Variants in CTDSPL2 observed in about 807,000 individuals in gnomAD.
CTDSPL2 encodes CTD small phosphatase-like protein 2.
CTDSPL2 carries 5 observed loss-of-function variants against 60.0 expected under a neutral mutation model. The ratio of observed to expected loss-of-function variants is 0.08; its 90% confidence interval spans 0.04 to 0.18. The LOEUF is 0.18. Among genes scored for constraint, CTDSPL2 ranks in the 10% least tolerant of loss-of-function variants. The probability of loss-of-function intolerance (pLI) is 1.00; values close to 1 mark genes in which losing one functional copy is unlikely to be tolerated. For synonymous variants in CTDSPL2, 186 were observed against 189.3 expected, an observed-to-expected ratio of 0.98 and a Z score of 0.14; for missense variants, 370 against 548.8, an observed-to-expected ratio of 0.67 and a Z score of 3.26.
intron 1 of CTDSPL2, among the ~76,000 whole-genome samples, chr15:44,436,425 C>G (rs1422558008): frequency 6.6e-6 from 1 of 152,126 alleles, no homozygotes; most frequent in Non-Finnish European, 1.5e-5. Context: ...GAAGACAGCT[C>G]TGATTAATTA....
intron 8 of CTDSPL2, among the ~76,000 whole-genome samples, chr15:44,511,445 A>G (rs2081563377): frequency 6.6e-6 from 1 of 152,228 alleles, no homozygotes; most frequent in Admixed American, 6.5e-5. Flanking sequence ...ATTGTTAACT[A>G]GACATATTCT....
At chr15:44,439,806 G>A (rs906293075) in intron 1 of CTDSPL2, among the ~76,000 whole-genome samples, 5 of 152,098 alleles carry the variant, frequency 3.3e-5, no homozygotes, top group African/African-American at 1.2e-4. Context: ...ATAAAATCAG[G>A]TTGTTGCTGA....
chr15:44,527,120 G>T lies in CTDSPL2; in HGVS notation c.*2946G>T, dbSNP rs2081887889. On this transcript the variant is annotated 3_prime_UTR_variant, in exon 13 of 13. Transcript: ENST00000260327. ...TAAATTGTTTTATATTAGCTAGTAT[G>T]TATATTTATTTTTACCCAATGGCTT... 6.6e-6 allele frequency: 1 copy of T among 152,466 alleles called. No homozygotes were observed. The highest frequency in any genetic ancestry group is 6.5e-5 in the Admixed American group (1 of 15,268). The allele number at this position is 152,466 out of a possible 1,614,324, so 9.4% of individuals were successfully genotyped here. A position where few individuals can be genotyped will look rare whatever the true frequency, so the allele number is the denominator to read the frequency against.
chr15:44,486,758 G>GTTTTTT (rs368571218), intron 4 of CTDSPL2, 58 bp downstream of exon 4: 24 of 800,318 alleles, frequency 3.0e-5, no homozygotes, highest in Middle Eastern at 3.5e-4. Context: ...CATAGTTTGG[G>GTTTTTT]TTTTTTTTTT....
chr15:44,489,148 C>T (rs2081174766), intron 4 of CTDSPL2, among the ~76,000 whole-genome samples: 2 of 135,298 alleles, frequency 1.5e-5, no homozygotes, highest in South Asian at 4.8e-4. Context: ...TCCCCCCCAC[C>T]TACCTCCTCC....
intron 1 of CTDSPL2, among the ~76,000 whole-genome samples, chr15:44,429,861 G>A (rs911485817): frequency 3.9e-5 from 6 of 151,992 alleles, no homozygotes; most frequent in African/African-American, 1.2e-4. Flanking sequence ...GCGAGACTCC[G>A]TCTCAAAAAA....
At chr15:44,496,540 AG>A in intron 6 of CTDSPL2, 82 bp downstream of exon 6, 1 of 1,050,882 alleles carries the variant, frequency 9.5e-7, no homozygotes, top group Non-Finnish European at 1.5e-6. Flanking sequence ...GTGGCTAAAT[AG>A]TATATTGCCA....
intron 12 of CTDSPL2, among the ~76,000 whole-genome samples, chr15:44,523,206 A>G (rs779047681): frequency 6.6e-5 from 10 of 152,090 alleles, no homozygotes; most frequent in African/African-American, 9.7e-5. Flanking sequence ...CACATTGGCC[A>G]GGCTGATCTC....
intron 1 of CTDSPL2, chr15:44,448,711 C>A: frequency 3.0e-6 from 1 of 337,968 alleles, no homozygotes; most frequent in Non-Finnish European, 5.8e-6. Context: ...CATTCCAGTG[C>A]CTTTATTCAG....
chr15:44,427,852 C>T, intron 1 of CTDSPL2, 80 bp downstream of exon 1: 1 of 396,004 alleles, frequency 2.5e-6, no homozygotes, highest in South Asian at 1.4e-4. Context: ...CCGGGATCTC[C>T]TCCCCTTCTA....
At chr15:44,509,415 C>T (rs141892603) in intron 8 of CTDSPL2, among the ~76,000 whole-genome samples, 197 of 152,086 alleles carry the variant, frequency 1.3e-3, no homozygotes, top group African/African-American at 4.5e-3. Context: ...CCATGTTGGC[C>T]AGGCTGGTCT....
At position 44,528,572 on chromosome 15, in the gene CTDSPL2, TAAA is replaced by T. The variant is rs1354655268; in HGVS notation, c.*4399_*4401del. On this transcript the variant is annotated 3_prime_UTR_variant, in exon 13 of 13. Transcript: ENST00000260327. Reference sequence around the variant, plus strand: ...TTATTCAAGATACATGGAGGAATAATAAAGAAGATTAAGGCTACTGCTCATTAT... The same window carrying T: ...TTATTCAAGATACATGGAGGAATAATGAAGATTAAGGCTACTGCTCATTAT... 1.3e-5 allele frequency: 2 copies of T among 151,914 alleles called. No individual in the cohort carries two copies. The highest frequency in any genetic ancestry group is 4.8e-5 in the African/African-American group (2 of 41,398). 9.4% of individuals were successfully genotyped at this position (151,914 alleles called of 1,614,324 possible). A position where few individuals can be genotyped will look rare whatever the true frequency, so the allele number is the denominator to read the frequency against.
chr15:44,486,776 T>TC, intron 4 of CTDSPL2, 76 bp downstream of exon 4: 1 of 1,105,944 alleles, frequency 9.0e-7, no homozygotes, highest in Non-Finnish European at 1.3e-6. Context: ...TTTTTTTTTT[T>TC]CTTGAGACGA....
chr15:44,449,697 G>C (rs1470433397), intron 1 of CTDSPL2, among the ~76,000 whole-genome samples: 1 of 151,444 alleles, frequency 6.6e-6, no homozygotes, highest in Non-Finnish European at 1.5e-5. Flanking sequence ...TCTACTAAAA[G>C]TACAAAAAGT....
chr15:44,524,053 A>G, intron 12 of CTDSPL2, 56 bp from the exon 13 acceptor site: 1 of 1,315,058 alleles, frequency 7.6e-7, no homozygotes. Flanking sequence ...GTATGTTATG[A>G]GGATCATATC....
chr15:44,525,046 A>C lies in CTDSPL2; in HGVS notation c.*872A>C. 5.0e-6 allele frequency: 1 copy of C among 200,984 alleles called. No individual in the cohort carries two copies. Among genetic ancestry groups the C allele is most frequent in the Non-Finnish European group, 1.0e-5 (1 of 100,100 alleles). The allele number at this position is 200,984 out of a possible 1,614,324, so 12.5% of individuals were successfully genotyped here. ...GATTTAATGGATAAAGGTATACCTC[A>C]GACTTCACTGTGCTCACAAATCTTT... On this transcript the variant is annotated 3_prime_UTR_variant, in exon 13 of 13. Transcript: ENST00000260327.
intron 10 of CTDSPL2, 144 bp downstream of exon 10, chr15:44,514,988 CTTTAAA>C (rs2140865742): frequency 1.9e-6 from 1 of 527,018 alleles, no homozygotes. Context: ...CCCCTAAACT[CTTTAAA>C]AGAGTTCCTA....
chr15:44,442,308 G>T (rs973204394), intron 1 of CTDSPL2, among the ~76,000 whole-genome samples: 1 of 151,962 alleles, frequency 6.6e-6, no homozygotes. Context: ...AAAAGTAGGC[G>T]TGGTGGTGCA....
At chr15:44,461,615 T>C (rs1479367138) in intron 2 of CTDSPL2, among the ~76,000 whole-genome samples, 1 of 149,582 alleles carries the variant, frequency 6.7e-6, no homozygotes, top group African/African-American at 2.5e-5. Context: ...TGAGGTCTCA[T>C]TTATATCGCC....
Sources: gnomAD v4.1 joint callset for allele counts (sites outside exome capture counted in the v4.1 genomes callset) on GRCh38, gnomAD v4.1.1 for gene constraint, MANE v1.5 for transcripts, NCBI Gene and HGNC (gene_info 2026-07-23, HGNC 2026-07-21) for gene names.